The following WNT11 variants were observed in gnomAD, a reference collection of about 807,000 sequenced individuals.
The protein encoded by WNT11 is protein Wnt-11.
WNT11 carries 20 observed loss-of-function variants against 35.6 expected under a neutral mutation model. The ratio of observed to expected loss-of-function variants is 0.56; its 90% CI spans 0.40 to 0.82. The LOEUF (loss-of-function observed/expected upper bound fraction) is 0.82. Ranked by LOEUF, WNT11 falls within the 40% of genes least tolerant of loss-of-function variation. The pLI is 0.00. For synonymous variants in WNT11, 200 were observed against 211.9 expected, an observed-to-expected ratio of 0.94 and a Z score of 0.49; for missense variants, 459 against 504.4, an observed-to-expected ratio of 0.91 and a Z score of 0.86.
Position 76,191,860 on chromosome 11 carries a change from C to A in WNT11, c.598-4G>T. 7.5e-6 allele frequency: 12 copies of A among 1,592,870 alleles called. No individual in the cohort carries two copies. The highest frequency in any genetic ancestry group is 1.0e-5 in the Non-Finnish European group (12 of 1,174,090). Reference sequence around the variant, plus strand: ...TTTCCAGAGAGGCGCGCAGAGCCTGCGGACAGGGGAAGGCGTCAGCTGGGT... The same window carrying A: ...TTTCCAGAGAGGCGCGCAGAGCCTGAGGACAGGGGAAGGCGTCAGCTGGGT... On this transcript the variant is annotated splice_polypyrimidine_tract_variant and splice_region_variant and intron_variant, in intron 3 of 4. Coordinates refer to ENST00000322563, the MANE Select transcript of WNT11 (RefSeq NM_004626.3).
chr11:76,199,341 C>T (rs1344669156), intron 1 of WNT11, among the ~76,000 whole-genome samples: 7 of 151,606 alleles, frequency 4.6e-5, no homozygotes, highest in African/African-American at 1.2e-4. Flanking sequence ...AAAAATTAGC[C>T]GGGTGTTGTG....
In WNT11 at chr11:76,200,012, G is replaced by A. The variant is rs770277948; in HGVS notation, c.84-3294C>T. On this transcript the variant is annotated intron_variant, in intron 1 of 4. Coordinates refer to ENST00000322563, the MANE Select transcript of WNT11 (RefSeq NM_004626.3). ...GCCAAGGCTGAATGATATGTGCTAC[G>A]GTAAGTACTCAATAGGTTCTTTCAT... is the stretch of plus-strand genomic sequence containing the variant. Among the ~76,000 whole-genome samples, 9 of 152,222 alleles carry A rather than the reference G, an allele frequency of 5.9e-5. No individual in the cohort carries two copies. In the South Asian group the frequency reaches 6.2e-4, roughly 11 times the overall value.
intron 2 of WNT11, chr11:76,195,153 C>A: frequency 2.5e-6 from 1 of 393,524 alleles, no homozygotes; most frequent in Non-Finnish European, 4.5e-6. Context: ...GTAGTGAGGC[C>A]CAGGCTCTGA....
upstream of WNT11, among the ~76,000 whole-genome samples, chr11:76,209,815 T>A (rs1182910892): frequency 6.7e-6 from 1 of 149,510 alleles, no homozygotes; most frequent in Non-Finnish European, 1.5e-5. Context: ...GTGGGAGGCG[T>A]GGAGCTCGTG....
At position 76,196,558 on chromosome 11, in the gene WNT11, G is replaced by A. The variant is rs61736889; in HGVS notation, c.244C>T (p.Arg82Trp). The change falls in exon 2 of 5, where the codon CGG becomes TGG. Residue 82 changes from arginine to tryptophan, a missense_variant. Coordinates refer to ENST00000322563, the MANE Select transcript of WNT11 (RefSeq NM_004626.3). The stretch of plus-strand genomic sequence containing the variant: ...TTCCAGCGCATGTCGGCAAAGGCCC[G>A]GCGACAGGCCTTCATGACCTCGCGG... ...AAREVMKACR[R>W]AFADMRWNCS... is the part of the protein sequence containing the mutation. The A allele has an allele frequency of 5.3e-4, 861 of 1,613,614 alleles. 5 individuals are homozygous for A. The African/African-American group carries it at 0.01, about 19-fold the overall frequency.
rs1320348614 is a variant in WNT11, at chr11:76,194,622, G to GT, written c.541dup (p.Thr181AsnfsTer7). On this transcript the variant is annotated frameshift_variant, in exon 3 of 5. Coordinates refer to ENST00000322563, the MANE Select transcript of WNT11 (RefSeq NM_004626.3). LOFTEE classifies it high-confidence loss of function. The surrounding 1 kb of genome is among the most constrained non-coding windows in gnomAD (Gnocchi z 5.4). The stretch of plus-strand genomic sequence containing the variant: ...CATCAGTTTATTGGCTTGGGATCCT[G>GT]TTTTTTTCACCTTCATAGGAGCATC... 5.8e-6 allele frequency: 9 copies of GT among 1,550,522 alleles called. No homozygotes were observed. The highest frequency in any genetic ancestry group is 1.4e-5 in the African/African-American group (1 of 73,080).
intron 4 of WNT11, among the ~76,000 whole-genome samples, chr11:76,190,169 G>A (rs375720028): frequency 6.6e-5 from 10 of 152,222 alleles, no homozygotes; most frequent in African/African-American, 1.9e-4. Context: ...TGCGGAAGAC[G>A]AGGCTGAGCT....
At position 76,191,793 on chromosome 11, in the gene WNT11, G is replaced by A. The variant is rs1218682764; in HGVS notation, c.661C>T (p.Arg221Cys). Residue 221 changes from arginine (R) to cysteine (C), a missense_variant, in exon 4 of 5, where the codon CGC (arginine) becomes TGC (cysteine). By Grantham distance (180) the Arg-to-Cys change is radical. Coordinates refer to ENST00000322563, the MANE Select transcript of WNT11 (RefSeq NM_004626.3). ...CHGVSGSCSI[R>C]TCWKGLQELQ... The stretch of plus-strand genomic sequence containing the variant: ...TCCTGCAGCCCCTTCCAGCAGGTGC[G>A]GATGGAGCAGGAGCCAGACACCCCA... The A allele has an allele frequency of 2.8e-5, 45 of 1,611,088 alleles. No homozygotes were observed. Among genetic ancestry groups the A allele is most frequent in the African/African-American group, 5.3e-5 (4 of 74,924 alleles).
intron 1 of WNT11, among the ~76,000 whole-genome samples, chr11:76,201,617 C>G (rs570113022): frequency 1.3e-5 from 2 of 152,130 alleles, no homozygotes; most frequent in Admixed American, 1.3e-4. Context: ...AGGGCCCTAC[C>G]GGGGTGGCAA....
upstream of WNT11, among the ~76,000 whole-genome samples, chr11:76,207,844 A>T (rs553593295): frequency 6.6e-6 from 1 of 151,924 alleles, no homozygotes; most frequent in Non-Finnish European, 1.5e-5. Context: ...CCTTCACTTC[A>T]TTCTCACCTC....
chr11:76,206,201 CACG>C, intron 1 of WNT11, 121 bp downstream of exon 1: 1 of 888,710 alleles, frequency 1.1e-6, no homozygotes, highest in Non-Finnish European at 1.5e-6. Context: ...ATGACTTGCC[CACG>C]ACCGCCAAGC....
chr11:76,191,442 C>T, intron 4 of WNT11, 122 bp downstream of exon 4: 2 of 1,185,414 alleles, frequency 1.7e-6, no homozygotes, highest in Non-Finnish European at 2.4e-6. Flanking sequence ...ACTCTCTCAA[C>T]TGAGCAGGGT....
upstream of WNT11, chr11:76,210,731 C>G (rs1357122): frequency 0.074 from 70,337 of 947,518 alleles, 3,174 homozygotes; most frequent in East Asian, 0.32. Context: ...GCCGCTCGCC[C>G]GAGCTCTCCT....
In WNT11 at chr11:76,194,537, T is replaced by C; in HGVS notation, c.597+30A>G. ...TTCTGGCCAATGGCACAAGCACAAC[T>C]ATCTGGGGGTGGGTGGGGTGGGTGG... On this transcript the variant is annotated intron_variant, in intron 3 of 4. Transcript: ENST00000322563. This position sits in a 1 kb window ranked among gnomAD's most constrained non-coding sequence, Gnocchi z 5.4. The C allele has an allele frequency of 6.7e-7, 1 of 1,492,892 alleles. No homozygotes were observed. The highest frequency in any genetic ancestry group is 9.0e-7 in the Non-Finnish European group (1 of 1,111,752). 92.5% of individuals were successfully genotyped at this position (1,492,892 alleles called of 1,614,324 possible).
chr11:76,206,637 G>C, upstream of WNT11: 1 of 942,658 alleles, frequency 1.1e-6, no homozygotes, highest in East Asian at 4.0e-5. Context: ...GCCCGGCCGG[G>C]GGACGCGTCC....
chr11:76,191,525 C>A (rs745948261), intron 4 of WNT11, 39 bp downstream of exon 4: 3 of 1,591,098 alleles, frequency 1.9e-6, no homozygotes, highest in Admixed American at 1.7e-5. Flanking sequence ...ATGTGCAACA[C>A]CAGTGACCCT....
intron 1 of WNT11, among the ~76,000 whole-genome samples, chr11:76,200,630 C>G (rs563047799): frequency 2.6e-5 from 4 of 152,300 alleles, no homozygotes; most frequent in African/African-American, 9.6e-5. Context: ...CAGCAGGCCC[C>G]GTCATCCTTC....
chr11:76,187,431 T>G (rs1953114656), intron 4 of WNT11, among the ~76,000 whole-genome samples, 192 bp from the exon 5 acceptor site: 1 of 152,216 alleles, frequency 6.6e-6, no homozygotes, highest in Non-Finnish European at 1.5e-5. Context: ...TTCCCTATAT[T>G]TCTAATAAGG....
chr11:76,186,897 T>C lies in WNT11; in HGVS notation c.*168A>G. ...GCCCTCCTTCCAGGGTGGCCAGACC[T>C]TCTGTTCCTGGTGGCTTCCAAGTGA... is the stretch of plus-strand genomic sequence containing the variant. On this transcript the variant is annotated 3_prime_UTR_variant, in exon 5 of 5. Coordinates refer to ENST00000322563, the MANE Select transcript of WNT11 (RefSeq NM_004626.3). 1 of 1,047,016 alleles carries C rather than the reference T, an allele frequency of 9.6e-7. No homozygotes were observed. The highest frequency in any genetic ancestry group is 1.4e-6 in the Non-Finnish European group (1 of 701,780). 64.9% of individuals were successfully genotyped at this position (1,047,016 alleles called of 1,614,324 possible). A position where few individuals can be genotyped will look rare whatever the true frequency, so the allele number is the denominator to read the frequency against.
Sources: allele counts gnomAD v4.1 joint callset (sites outside exome capture counted in the v4.1 genomes callset), GRCh38; gene constraint gnomAD v4.1.1; non-coding constraint Gnocchi (gnomAD v3.1); transcripts MANE v1.5; gene names NCBI Gene and HGNC (gene_info 2026-07-23, HGNC 2026-07-21).